FHIT: variants seen among roughly 807,000 people sequenced by gnomAD.
FHIT encodes fragile histidine triad diadenosine triphosphatase, also known as bis(5'-adenosyl)-triphosphatase.
In FHIT, 19 loss-of-function variants were observed where a neutral mutation model predicts 17.9. The observed-to-expected ratio is 1.06, with a 90% CI of 0.74 to 1.56. FHIT has a LOEUF of 1.56. Among genes scored for constraint, FHIT ranks in the 40% most tolerant of loss-of-function variants. The probability of loss-of-function intolerance (pLI) is 0.00; values close to 1 mark genes in which losing one functional copy is unlikely to be tolerated. For synonymous variants in FHIT, 81 were observed against 69.7 expected, an observed-to-expected ratio of 1.16 and a Z score of -0.81; for missense variants, 248 against 189.2, an observed-to-expected ratio of 1.31 and a Z score of -1.82.
chr3:60,063,369 C>T (rs1702370947), intron 5 of FHIT, among the ~76,000 whole-genome samples: 1 of 152,174 alleles, frequency 6.6e-6, no homozygotes, highest in South Asian at 2.1e-4. Context: ...ACTCCAGATA[C>T]ATCACCATAG....
chr3:59,927,953 T>G (rs1705755778), intron 7 of FHIT, among the ~76,000 whole-genome samples: 1 of 152,204 alleles, frequency 6.6e-6, no homozygotes, highest in Non-Finnish European at 1.5e-5. Context: ...ACCTGAGGAT[T>G]GCCAGTGTGG....
At chr3:61,102,620 G>A (rs1193409698) in intron 2 of FHIT, among the ~76,000 whole-genome samples, 1 of 152,214 alleles carries the variant, frequency 6.6e-6, no homozygotes. Context: ...AATAGTTGCA[G>A]AAGGAATGGT....
chr3:59,885,526 C>T (rs1703586516), intron 8 of FHIT, among the ~76,000 whole-genome samples: 1 of 150,772 alleles, frequency 6.6e-6, no homozygotes, highest in South Asian at 2.1e-4. Context: ...ATGAGAACAT[C>T]AGCAACTGCA....
intron 4 of FHIT, among the ~76,000 whole-genome samples, chr3:60,680,994 T>G: frequency 6.6e-6 from 1 of 152,202 alleles, no homozygotes; most frequent in East Asian, 1.9e-4. Context: ...ATCAAGGATA[T>G]AATTTTTTTA....
At chr3:60,681,279 A>AG (rs2040740670) in intron 4 of FHIT, among the ~76,000 whole-genome samples, 5 of 152,116 alleles carry the variant, frequency 3.3e-5, no homozygotes, top group Admixed American at 3.3e-4. Context: ...AGATGTTCCT[A>AG]TTGTAAGTGT....
At chr3:60,315,053 C>G (rs970356454) in intron 5 of FHIT, among the ~76,000 whole-genome samples, 5 of 152,186 alleles carry the variant, frequency 3.3e-5, no homozygotes, top group Admixed American at 2.6e-4. Flanking sequence ...GTCTGCCACC[C>G]TGAGGCTACC....
intron 8 of FHIT, among the ~76,000 whole-genome samples, chr3:59,788,740 A>G (rs185875421): frequency 1.9e-3 from 287 of 152,180 alleles, no homozygotes; most frequent in Admixed American, 3.9e-3. Context: ...TTGCACATTA[A>G]CCTGCCACCC....
intron 2 of FHIT, among the ~76,000 whole-genome samples, chr3:61,108,506 G>A (rs182019707): frequency 2.7e-4 from 41 of 152,264 alleles, no homozygotes; most frequent in African/African-American, 9.1e-4. Flanking sequence ...CAGTATGTTT[G>A]GCAGTGATGA....
At chr3:60,809,399 G>A (rs1701501257) in intron 4 of FHIT, among the ~76,000 whole-genome samples, 1 of 152,056 alleles carries the variant, frequency 6.6e-6, no homozygotes, top group South Asian at 2.1e-4. Context: ...CTAGATAGTG[G>A]GGGTCTTTTC....
At chr3:60,473,776 C>T (rs891709658) in intron 5 of FHIT, among the ~76,000 whole-genome samples, 1 of 151,934 alleles carries the variant, frequency 6.6e-6, no homozygotes, top group Non-Finnish European at 1.5e-5. Context: ...TAAAAATTAG[C>T]CAGGCGTGGC....
At chr3:60,023,626 C>T (rs1700631563) in intron 5 of FHIT, among the ~76,000 whole-genome samples, 2 of 151,728 alleles carry the variant, frequency 1.3e-5, no homozygotes, top group Admixed American at 6.6e-5. Context: ...CAAAAAGTAG[C>T]CAAACTATAA....
At chr3:59,983,041 C>A (rs1003167769) in intron 7 of FHIT, among the ~76,000 whole-genome samples, 1 of 151,934 alleles carries the variant, frequency 6.6e-6, no homozygotes, top group East Asian at 1.9e-4. Context: ...CTGGCTCAAG[C>A]GATCCTCCCA....
At chr3:60,295,935 G>A (rs1708186248) in intron 5 of FHIT, among the ~76,000 whole-genome samples, 1 of 152,086 alleles carries the variant, frequency 6.6e-6, no homozygotes, top group African/African-American at 2.4e-5. Context: ...GGAGGGACCA[G>A]GTGGGAGATA....
At position 60,285,732 on chromosome 3, in the gene FHIT, C is replaced by A. The variant is rs921866587; in HGVS notation, c.103+251128G>T. On this transcript the variant is annotated intron_variant, in intron 5 of 9. Transcript: ENST00000492590. ...TGTTGGCTGCCAGCTGAGATCTTGGCTGAGACTGTCAGCTAGAACTCTATT... is the reference window on the plus strand; with the variant it reads ...TGTTGGCTGCCAGCTGAGATCTTGGATGAGACTGTCAGCTAGAACTCTATT... Among the ~76,000 whole-genome samples, 6 of 152,156 alleles carry A rather than the reference C, an allele frequency of 3.9e-5. No homozygotes were observed. In the East Asian group the frequency reaches 1.2e-3, roughly 29 times the overall value.
intron 5 of FHIT, among the ~76,000 whole-genome samples, chr3:60,029,736 A>G (rs1700901631): frequency 6.6e-6 from 1 of 152,152 alleles, no homozygotes; most frequent in Non-Finnish European, 1.5e-5. Flanking sequence ...CAGGTGAAGG[A>G]AGACAAAGGT....
At chr3:59,839,286 C>A (rs1701447011) in intron 8 of FHIT, among the ~76,000 whole-genome samples, 1 of 150,132 alleles carries the variant, frequency 6.7e-6, no homozygotes, top group Middle Eastern at 3.4e-3. Flanking sequence ...CCATTGCACT[C>A]CAACATGGGC....
At chr3:60,059,302 T>C (rs980105623) in intron 5 of FHIT, among the ~76,000 whole-genome samples, 2 of 152,066 alleles carry the variant, frequency 1.3e-5, no homozygotes, top group East Asian at 3.9e-4. Flanking sequence ...GGCATTCCAC[T>C]GGAAAAGGGA....
chr3:60,578,477 G>T (rs1553658457), intron 4 of FHIT, among the ~76,000 whole-genome samples: 2 of 94,404 alleles, frequency 2.1e-5, no homozygotes, highest in African/African-American at 9.0e-5. Flanking sequence ...ACACACACAC[G>T]ATAAATATTC....
intron 4 of FHIT, chr3:60,617,752 A>C (rs1553676518): frequency 1.2e-4 from 18 of 153,702 alleles, no homozygotes. Flanking sequence ...GGGGAAAAAA[A>C]GTTATCCAGA....
Sources: gnomAD v4.1 joint callset for allele counts (sites outside exome capture counted in the v4.1 genomes callset) on GRCh38, gnomAD v4.1.1 for gene constraint, MANE v1.5 for transcripts, NCBI Gene and HGNC (gene_info 2026-07-23, HGNC 2026-07-21) for gene names.